ATP2C1: variants seen among roughly 807,000 people sequenced by gnomAD.
The protein encoded by ATP2C1 is calcium-transporting ATPase type 2C member 1.
A neutral mutation model predicts 120.5 loss-of-function variants in ATP2C1; 31 were observed. The ratio of observed to expected loss-of-function variants is 0.26; its 90% confidence interval spans 0.19 to 0.35. ATP2C1 has a LOEUF of 0.35. Among genes scored for constraint, ATP2C1 ranks in the 10% least tolerant of loss-of-function variants. The pLI is 1.00. For synonymous variants in ATP2C1, 351 were observed against 358.7 expected (o/e 0.98, Z 0.24); for missense variants, 731 against 1,107.5 (o/e 0.66, Z 4.83).
At chr3:130,855,981 T>G (rs547331035) in intron 1 of ATP2C1, 1 of 136,750 alleles carries the variant, frequency 7.3e-6, no homozygotes, top group Non-Finnish European at 1.5e-5. Flanking sequence ...GAACAGAGAT[T>G]TTTTTTTTCC....
chr3:130,976,924 A>T (rs1393594527), intron 18 of ATP2C1, among the ~76,000 whole-genome samples: 3 of 152,122 alleles, frequency 2.0e-5, no homozygotes, highest in Non-Finnish European at 2.9e-5. Flanking sequence ...CGTACATTGT[A>T]CCGTCACTCC....
chr3:130,938,445 C>T (rs1219426172), intron 6 of ATP2C1, among the ~76,000 whole-genome samples: 2 of 152,194 alleles, frequency 1.3e-5, no homozygotes, highest in Non-Finnish European at 2.9e-5. Flanking sequence ...CTTACATCTA[C>T]GATTTATTAC....
At chr3:130,947,065 C>G (rs556234061) in intron 8 of ATP2C1, among the ~76,000 whole-genome samples, 14 of 152,218 alleles carry the variant, frequency 9.2e-5, no homozygotes, top group African/African-American at 3.4e-4. Flanking sequence ...CTAGGCAAGC[C>G]GCTTGATTTT....
At chr3:130,958,472 T>A (rs1175907244) in intron 11 of ATP2C1, among the ~76,000 whole-genome samples, 1 of 152,098 alleles carries the variant, frequency 6.6e-6, no homozygotes, top group Non-Finnish European at 1.5e-5. Context: ...GTATTTGGGA[T>A]AGGATCTTAG....
intron 12 of ATP2C1, among the ~76,000 whole-genome samples, chr3:130,962,590 G>GT (rs1185083896): frequency 1.3e-5 from 2 of 150,936 alleles, no homozygotes; most frequent in East Asian, 1.9e-4. Flanking sequence ...TTAGAGTGAA[G>GT]TTTTTTTACA....
At chr3:130,938,613 G>C (rs2059768856) in intron 6 of ATP2C1, among the ~76,000 whole-genome samples, 1 of 152,180 alleles carries the variant, frequency 6.6e-6, no homozygotes, top group Non-Finnish European at 1.5e-5. Context: ...CCGCTTTTAG[G>C]GGAATCTTCT....
chr3:130,913,969 T>G (rs1018085141), intron 2 of ATP2C1, among the ~76,000 whole-genome samples: 1 of 152,174 alleles, frequency 6.6e-6, no homozygotes, highest in African/African-American at 2.4e-5. Flanking sequence ...CAGATTGTTT[T>G]CCGAGGATTA....
intron 2 of ATP2C1, among the ~76,000 whole-genome samples, chr3:130,916,305 A>G (rs2058687556): frequency 6.6e-6 from 1 of 151,840 alleles, no homozygotes; most frequent in Admixed American, 6.6e-5. Context: ...AATCCCAGCT[A>G]CTTGGGAGGC....
chr3:130,900,573 T>TTTTTTTTGAATATGTAAATGTG, intron 2 of ATP2C1, among the ~76,000 whole-genome samples: 2 of 150,920 alleles, frequency 1.3e-5, no homozygotes, highest in African/African-American at 4.8e-5. Context: ...TCATCAGACT[T>TTTTTTTTGAATATGTAAATGTG]TTTTTTTGAA....
At chr3:130,889,324 G>A (rs1306520059), upstream of ATP2C1, among the ~76,000 whole-genome samples, 2 of 152,174 alleles carry the variant, frequency 1.3e-5, no homozygotes, top group East Asian at 3.8e-4. Flanking sequence ...ATGAAATGAT[G>A]TTGAACAAAA....
chr3:130,860,250 A>G (rs2107714949), intron 1 of ATP2C1, among the ~76,000 whole-genome samples: 1 of 152,380 alleles, frequency 6.6e-6, no homozygotes, highest in African/African-American at 2.4e-5. Context: ...TCAGAATGAA[A>G]GATGACATAT....
chr3:130,889,875 GGCTCAC>G (rs2069113842), upstream of ATP2C1, among the ~76,000 whole-genome samples: 1 of 151,804 alleles, frequency 6.6e-6, no homozygotes, highest in South Asian at 2.1e-4. Context: ...TGAACTCCTG[GGCTCAC>G]ACAATTTTCC....
chr3:130,931,208 G>C (rs1345360740), intron 3 of ATP2C1, among the ~76,000 whole-genome samples: 2 of 151,972 alleles, frequency 1.3e-5, no homozygotes, highest in Middle Eastern at 3.4e-3. Context: ...GTTTTGAAAG[G>C]CTCCTTTATT....
At chr3:130,932,899 T>G (rs1403059346) in intron 4 of ATP2C1, among the ~76,000 whole-genome samples, 2 of 152,200 alleles carry the variant, frequency 1.3e-5, no homozygotes, top group Non-Finnish European at 1.5e-5. Context: ...CAGGCTTAAT[T>G]TTGCGAATGA....
chr3:130,860,242 AG>A (rs1448931205), intron 1 of ATP2C1, among the ~76,000 whole-genome samples: 1 of 152,254 alleles, frequency 6.6e-6, no homozygotes, highest in Non-Finnish European at 1.5e-5. Flanking sequence ...GCTTTTGTTC[AG>A]AATGAAAGAT....
At chr3:130,862,964 A>G (rs2107727637) in intron 1 of ATP2C1, among the ~76,000 whole-genome samples, 1 of 152,280 alleles carries the variant, frequency 6.6e-6, no homozygotes, top group African/African-American at 2.4e-5. Flanking sequence ...TTTTAACGAA[A>G]CATAAGATTA....
At chr3:130,935,974 T>C (rs1289526163) in intron 5 of ATP2C1, among the ~76,000 whole-genome samples, 1 of 152,192 alleles carries the variant, frequency 6.6e-6, no homozygotes, top group African/African-American at 2.4e-5. Flanking sequence ...AGACAAACTA[T>C]GGGTGTTAGG....
In ATP2C1 at chr3:130,955,096, G is replaced by A. The variant is rs1225716173; in HGVS notation, c.756+16G>A. On this transcript the variant is annotated intron_variant, in intron 10 of 27. Transcript: ENST00000510168. Reference sequence around the variant, plus strand: ...AGCAGAAGAGGTGAGTACTTAATATGTTAATGATGTATTTGTTCCAAATCT... The same window carrying A: ...AGCAGAAGAGGTGAGTACTTAATATATTAATGATGTATTTGTTCCAAATCT... 1.3e-6 allele frequency: 2 copies of A among 1,531,212 alleles called. No individual in the cohort carries two copies. Among genetic ancestry groups the A allele is most frequent in the Non-Finnish European group, 1.8e-6 (2 of 1,105,020 alleles). 94.9% of individuals were successfully genotyped at this position (1,531,212 alleles called of 1,614,324 possible).
chr3:130,890,943 G>T (rs1214537063), upstream of ATP2C1, among the ~76,000 whole-genome samples: 1 of 152,150 alleles, frequency 6.6e-6, no homozygotes, highest in Non-Finnish European at 1.5e-5. Context: ...AGGCATGGTG[G>T]TTCATGCCTC....
Sources: allele counts gnomAD v4.1 joint callset (sites outside exome capture counted in the v4.1 genomes callset), GRCh38; gene constraint gnomAD v4.1.1; transcripts MANE v1.5; gene names NCBI Gene and HGNC (gene_info 2026-07-23, HGNC 2026-07-21).